Variants in CCDC192 observed in about 807,000 individuals in gnomAD.
CCDC192 encodes coiled-coil domain-containing protein 192.
chr5:127,881,763 T>C (rs147961044), intron 6 of CCDC192, among the ~76,000 whole-genome samples: 1 of 152,220 alleles, frequency 6.6e-6, no homozygotes, highest in African/African-American at 2.4e-5. Context: ...TTTGTTGATT[T>C]TACTTTGTTC....
chr5:127,722,680 T>C (rs1752095181), intron 2 of CCDC192, among the ~76,000 whole-genome samples: 1 of 152,182 alleles, frequency 6.6e-6, no homozygotes, highest in African/African-American at 2.4e-5. Flanking sequence ...TCCATATGGA[T>C]ATCCAGTTTT....
intron 5 of CCDC192, among the ~76,000 whole-genome samples, chr5:127,800,683 C>T (rs1032161938): frequency 2.6e-5 from 4 of 152,130 alleles, no homozygotes; most frequent in African/African-American, 9.7e-5. Flanking sequence ...CTGTTATTAT[C>T]TCTTAAATAT....
At chr5:127,744,703 G>A (rs1753637672) in intron 2 of CCDC192, among the ~76,000 whole-genome samples, 5 of 152,154 alleles carry the variant, frequency 3.3e-5, no homozygotes, top group Admixed American at 3.3e-4. Flanking sequence ...TGTTACAAAA[G>A]TGTCCCCATG....
chr5:127,869,846 G>A (rs1751772615), intron 5 of CCDC192, among the ~76,000 whole-genome samples: 1 of 152,002 alleles, frequency 6.6e-6, no homozygotes, highest in Non-Finnish European at 1.5e-5. Flanking sequence ...ATAGCATTTT[G>A]CAACATAAAA....
intron 5 of CCDC192, among the ~76,000 whole-genome samples, chr5:127,801,841 C>T (rs1225593437): frequency 1.3e-5 from 2 of 152,144 alleles, no homozygotes; most frequent in Non-Finnish European, 2.9e-5. Context: ...GAGAAAGCTC[C>T]ATCCAGCAGC....
At chr5:127,769,539 T>C (rs1755430699) in intron 3 of CCDC192, among the ~76,000 whole-genome samples, 1 of 151,476 alleles carries the variant, frequency 6.6e-6, no homozygotes, top group South Asian at 2.1e-4. Context: ...AGAAAGAGTA[T>C]AGATAAAGCA....
At chr5:127,710,423 G>T (rs902233428) in intron 2 of CCDC192, among the ~76,000 whole-genome samples, 1 of 151,982 alleles carries the variant, frequency 6.6e-6, no homozygotes, top group Non-Finnish European at 1.5e-5. Flanking sequence ...CCACCAAGCA[G>T]AATTAACCCC....
intron 5 of CCDC192, among the ~76,000 whole-genome samples, chr5:127,856,828 T>TA (rs1751119328): frequency 6.6e-6 from 1 of 152,184 alleles, no homozygotes; most frequent in African/African-American, 2.4e-5. Flanking sequence ...TGGTGTCTTA[T>TA]ATGGGTACAG....
chr5:127,885,879 C>G (rs122731), intron 6 of CCDC192, among the ~76,000 whole-genome samples: 99,302 of 151,842 alleles, frequency 0.65, 32,455 homozygotes, highest in Non-Finnish European at 0.68. Flanking sequence ...TGGCTTGGAC[C>G]AGATTACCCT....
chr5:127,845,374 G>T lies in CCDC192; in HGVS notation c.412-30164G>T, dbSNP rs74847768. Among the ~76,000 whole-genome samples the T allele has an allele frequency of 4.4e-3, 672 of 152,236 alleles. 3 individuals are homozygous for T. Among genetic ancestry groups the T allele is most frequent in the African/African-American group, 0.015 (636 of 41,528 alleles). On this transcript the variant is annotated intron_variant, in intron 5 of 6. Coordinates refer to ENST00000514853, the MANE Select transcript of CCDC192 (RefSeq NM_001317938.2). ...GCACTAAGAAGGTGGTTCTTTTGTT[G>T]ATTTGTTTGTATGAAAGGAAAGTCT...
At chr5:127,919,039 G>A (rs1561551652) in intron 6 of CCDC192, among the ~76,000 whole-genome samples, 3 of 149,114 alleles carry the variant, frequency 2.0e-5, no homozygotes, top group Non-Finnish European at 3.0e-5. Flanking sequence ...ATATATGTGT[G>A]TATATATCTG....
At chr5:127,791,531 C>A (rs1042955257) in intron 3 of CCDC192, among the ~76,000 whole-genome samples, 9 of 152,170 alleles carry the variant, frequency 5.9e-5, no homozygotes. Context: ...AGGACACTTT[C>A]AGCTTCCAGA....
chr5:127,792,125 A>C (rs1046903249), intron 3 of CCDC192, among the ~76,000 whole-genome samples: 1 of 152,200 alleles, frequency 6.6e-6, no homozygotes, highest in Non-Finnish European at 1.5e-5. Flanking sequence ...AAGCCTGGGC[A>C]AAAAAGTGAG....
intron 3 of CCDC192, chr5:127,784,802 G>T: frequency 2.1e-6 from 1 of 481,622 alleles, no homozygotes; most frequent in Non-Finnish European, 4.1e-6. Flanking sequence ...TCTCATGATG[G>T]CCATCTGAAT....
intron 6 of CCDC192, among the ~76,000 whole-genome samples, chr5:127,877,770 A>G (rs1277148219): frequency 3.3e-5 from 5 of 152,212 alleles, no homozygotes; most frequent in Non-Finnish European, 7.3e-5. Context: ...TCACAGGACA[A>G]TGAGGGCTGG....
intron 3 of CCDC192, among the ~76,000 whole-genome samples, chr5:127,792,812 G>GGAA (rs34627392): frequency 2.7e-5 from 4 of 147,662 alleles, no homozygotes; most frequent in Non-Finnish European, 6.0e-5. Flanking sequence ...GAGGAGAAGA[G>GGAA]GAAGAAGAAG....
intron 3 of CCDC192, among the ~76,000 whole-genome samples, chr5:127,794,945 G>A (rs1277615600): frequency 6.6e-6 from 1 of 152,138 alleles, no homozygotes; most frequent in Non-Finnish European, 1.5e-5. Flanking sequence ...TGAATTCAGG[G>A]TATGCAGCTC....
chr5:127,906,816 A>T (rs759662995), intron 6 of CCDC192, among the ~76,000 whole-genome samples: 1 of 151,996 alleles, frequency 6.6e-6, no homozygotes, highest in African/African-American at 2.4e-5. Flanking sequence ...ACAAATATCT[A>T]TTTGAGTTCC....
chr5:127,746,250 A>T (rs1753736334), intron 2 of CCDC192, among the ~76,000 whole-genome samples: 2 of 152,208 alleles, frequency 1.3e-5, no homozygotes, highest in Non-Finnish European at 2.9e-5. Flanking sequence ...GTCTGTATGA[A>T]AAGTCCTATG....
Sources: gnomAD v4.1 joint callset for allele counts (sites outside exome capture counted in the v4.1 genomes callset) on GRCh38, gnomAD v4.1.1 for gene constraint, MANE v1.5 for transcripts, NCBI Gene and HGNC (gene_info 2026-07-23, HGNC 2026-07-21) for gene names.